The following SIPA1L2 variants were observed in gnomAD, a reference collection of about 807,000 sequenced individuals.
SIPA1L2 encodes signal induced proliferation associated 1 like 2, also known as signal-induced proliferation-associated 1-like protein 2.
A neutral mutation model predicts 163.9 loss-of-function variants in SIPA1L2; 56 were observed. That is an observed-to-expected ratio of 0.34 (90% confidence interval 0.28 to 0.43). SIPA1L2 has a LOEUF of 0.43. Ranked by LOEUF, SIPA1L2 falls within the 20% of genes least tolerant of loss-of-function variation. The pLI, the probability that SIPA1L2 is intolerant of heterozygous loss-of-function variation, is 1.00. For missense variants in SIPA1L2, 1,974 were observed against 2,193.5 expected, an observed-to-expected ratio of 0.90 and a Z score of 2.00; for synonymous variants, 877 against 865.7, an observed-to-expected ratio of 1.01 and a Z score of -0.23.
chr1:232,606,749 A>G (rs929649436), intron 1 of SIPA1L2, among the ~76,000 whole-genome samples: 1 of 151,666 alleles, frequency 6.6e-6, no homozygotes, highest in Admixed American at 6.6e-5. Flanking sequence ...AAATGAAAGA[A>G]AGTTGTCAGA....
At chr1:232,580,115 T>C (rs1660296738) in intron 1 of SIPA1L2, among the ~76,000 whole-genome samples, 1 of 152,198 alleles carries the variant, frequency 6.6e-6, no homozygotes, top group Non-Finnish European at 1.5e-5. Context: ...AGATTATTCA[T>C]GAGTTTTCCA....
intron 5 of SIPA1L2, among the ~76,000 whole-genome samples, chr1:232,485,749 G>A (rs772210561): frequency 2.0e-5 from 3 of 152,166 alleles, no homozygotes; most frequent in African/African-American, 4.8e-5. Flanking sequence ...CATGGACAAC[G>A]ATGTTAGTTG....
At chr1:232,430,269 G>A (rs1013081459) in intron 16 of SIPA1L2, among the ~76,000 whole-genome samples, 1 of 152,222 alleles carries the variant, frequency 6.6e-6, no homozygotes, top group Non-Finnish European at 1.5e-5. Context: ...CTTTGGGAGG[G>A]TGCTGGCCAG....
At chr1:232,428,291 T>C in intron 17 of SIPA1L2, 120 bp downstream of exon 17, 2 of 806,032 alleles carry the variant, frequency 2.5e-6, no homozygotes, top group East Asian at 3.3e-5. Flanking sequence ...GAGTTGTTGG[T>C]AGGGTCATGA....
intron 1 of SIPA1L2, among the ~76,000 whole-genome samples, chr1:232,603,913 G>T (rs1661747760): frequency 2.6e-5 from 4 of 152,144 alleles, no homozygotes; most frequent in Non-Finnish European, 2.9e-5. Flanking sequence ...GTACCCAGCA[G>T]AAAGAGACCT....
At chr1:232,609,692 T>C (rs1490000378) in intron 1 of SIPA1L2, among the ~76,000 whole-genome samples, 1 of 151,054 alleles carries the variant, frequency 6.6e-6, no homozygotes, top group African/African-American at 2.4e-5. Context: ...TAGCTGGGTG[T>C]GGTGGTGGGT....
intron 10 of SIPA1L2, among the ~76,000 whole-genome samples, chr1:232,447,863 T>C (rs1663309818): frequency 6.6e-6 from 1 of 152,224 alleles, no homozygotes; most frequent in Admixed American, 6.5e-5. Context: ...AAATACTTCA[T>C]TTATATAAGC....
intron 1 of SIPA1L2, among the ~76,000 whole-genome samples, chr1:232,616,553 G>A (rs1408301105): frequency 2.0e-5 from 3 of 152,210 alleles, no homozygotes; most frequent in Non-Finnish European, 4.4e-5. Context: ...TGGGCCCTAT[G>A]GTGGCAGACA....
chr1:232,437,754 G>A (rs973972476), intron 15 of SIPA1L2, among the ~76,000 whole-genome samples: 10 of 152,162 alleles, frequency 6.6e-5, no homozygotes, highest in Non-Finnish European at 1.2e-4. Flanking sequence ...TGTGGGGGCA[G>A]GGGTTGGCTT....
At chr1:232,442,255 GA>G (rs569555017) in intron 12 of SIPA1L2, among the ~76,000 whole-genome samples, 60 of 142,534 alleles carry the variant, frequency 4.2e-4, no homozygotes, top group Non-Finnish European at 5.1e-4. Context: ...TTTTTCTTAA[GA>G]AAAAAAAAAA....
chr1:232,421,887 G>C (rs554777837), intron 18 of SIPA1L2, among the ~76,000 whole-genome samples: 1 of 152,254 alleles, frequency 6.6e-6, no homozygotes, highest in Admixed American at 6.5e-5. Flanking sequence ...TGAAATCTAA[G>C]AATTCTCATC....
Position 232,515,050 on chromosome 1 carries a change from G to A in SIPA1L2, c.290C>T (p.Ala97Val), listed in dbSNP as rs946068747. The A allele has an allele frequency of 1.1e-5, 17 of 1,614,030 alleles. No homozygotes were observed. In the African/African-American group the frequency reaches 2.1e-4, roughly 20 times the overall value. ...KDCSKELTCK[A>V]LWESRSQTSY... ...GGTCTGAGACCGGCTTTCCCACAGT[G>A]CCTTGCATGTTAGCTCCTTGGAACA... The change falls in exon 3 of 23, where the codon GCA becomes GTA. Residue 97 changes from alanine (A) to valine (V), a missense_variant. Transcript: ENST00000674635.
intron 2 of SIPA1L2, 42 bp from the exon 3 acceptor site, chr1:232,515,650 C>A (rs139731402): frequency 7.5e-4 from 217 of 291,056 alleles, no homozygotes; most frequent in African/African-American, 4.2e-3. Flanking sequence ...AATTAATATG[C>A]TTCAAGTTGA....
At chr1:232,512,318 C>A (rs750980428) in intron 3 of SIPA1L2, among the ~76,000 whole-genome samples, 2 of 152,132 alleles carry the variant, frequency 1.3e-5, no homozygotes, top group Non-Finnish European at 2.9e-5. Context: ...GTGGCGATTC[C>A]TCAAGGATCT....
At chr1:232,505,001 A>G (rs1336107694) in intron 3 of SIPA1L2, among the ~76,000 whole-genome samples, 3 of 152,242 alleles carry the variant, frequency 2.0e-5, no homozygotes, top group Non-Finnish European at 4.4e-5. Flanking sequence ...AACACAACTT[A>G]AAGATGAGAC....
At chr1:232,433,946 T>C (rs189409224) in intron 15 of SIPA1L2, among the ~76,000 whole-genome samples, 3 of 152,304 alleles carry the variant, frequency 2.0e-5, no homozygotes, top group Admixed American at 2.0e-4. Flanking sequence ...TAACAGTATC[T>C]ACCTCCGAAG....
At chr1:232,624,071 A>G (rs1662949611) in intron 1 of SIPA1L2, among the ~76,000 whole-genome samples, 2 of 151,978 alleles carry the variant, frequency 1.3e-5, no homozygotes, top group South Asian at 4.1e-4. Flanking sequence ...GTATATGTTT[A>G]TACATACAGA....
intron 18 of SIPA1L2, among the ~76,000 whole-genome samples, chr1:232,420,359 C>T (rs747154841): frequency 6.6e-6 from 1 of 152,072 alleles, no homozygotes; most frequent in Non-Finnish European, 1.5e-5. Flanking sequence ...ATAGTGCAGA[C>T]CTGAAGGAGC....
chr1:232,468,085 G>A (rs892053391), intron 8 of SIPA1L2, among the ~76,000 whole-genome samples: 3 of 152,128 alleles, frequency 2.0e-5, no homozygotes, highest in African/African-American at 7.2e-5. Context: ...GATATTCTGG[G>A]TATGGGAATC....
Sources: gnomAD v4.1 joint callset for allele counts (sites outside exome capture counted in the v4.1 genomes callset) on GRCh38, gnomAD v4.1.1 for gene constraint, MANE v1.5 for transcripts, NCBI Gene and HGNC (gene_info 2026-07-23, HGNC 2026-07-21) for gene names.